ASAH1: variants seen among roughly 807,000 people sequenced by gnomAD.
ASAH1 encodes N-acylsphingosine amidohydrolase 1, also known as acid ceramidase.
Under a neutral mutation model 59.5 loss-of-function variants are expected in ASAH1, and 70 were observed. That is an observed-to-expected ratio of 1.18 (90% confidence interval 0.97 to 1.43). The LOEUF is 1.43. Among genes scored for constraint, ASAH1 ranks in the 40% most tolerant of loss-of-function variants. The pLI is 0.00. For synonymous variants in ASAH1, 213 were observed against 166.5 expected, an observed-to-expected ratio of 1.28 and a Z score of -2.15; for missense variants, 660 against 482.5, an observed-to-expected ratio of 1.37 and a Z score of -3.45.
intron 12 of ASAH1, 124 bp downstream of exon 12, chr8:18,059,217 G>C (rs1799586815): frequency 4.8e-6 from 7 of 1,465,142 alleles, no homozygotes; most frequent in East Asian, 2.3e-5. Flanking sequence ...TCAGTGGAGA[G>C]TGGCTAGAGA....
At chr8:18,075,776 T>C (rs1300440058) in intron 1 of ASAH1, 189 bp from the exon 2 acceptor site, 1 of 607,070 alleles carries the variant, frequency 1.6e-6, no homozygotes, top group East Asian at 2.8e-5. Flanking sequence ...ATTAAGTGGA[T>C]TTTCAGTTTC....
intron 4 of ASAH1, 72 bp downstream of exon 4, chr8:18,069,720 T>C: frequency 8.7e-7 from 1 of 1,144,934 alleles, no homozygotes; most frequent in South Asian, 1.3e-5. Context: ...GGTTGCTGAA[T>C]TATGCCTTTA....
rs561169832 is a variant in ASAH1, at chr8:18,059,953, C to T, written c.786-250G>A. 2.1e-4 allele frequency: 84 copies of T among 403,804 alleles called. 1 individual carries two copies. Among genetic ancestry groups the T allele is most frequent in the African/African-American group, 1.7e-3 (83 of 49,030 alleles). 25.0% of individuals were successfully genotyped at this position (403,804 alleles called of 1,614,324 possible). A position where few individuals can be genotyped will look rare whatever the true frequency, so the allele number is the denominator to read the frequency against. ...CTTTCACCCCACCCCCTGACAGGCC[C>T]TGGTGCGTGATGTTCCCCTCCCTGT... is the stretch of plus-strand genomic sequence containing the variant. On this transcript the variant is annotated intron_variant, in intron 10 of 13. Transcript: ENST00000637790.
Position 18,084,021 on chromosome 8 carries a change from G to T in ASAH1, c.38C>A (p.Ala13Asp). ...CGCGACGGCACAGCTGACGGCGGCA[G>T]CCAGGAGGACTAAGGCGACGCAACT... ...GRSCVALVLL[A>D]AAVSCAVAQH... Residue 13 changes from alanine (A) to aspartate (D), a missense_variant, in exon 1 of 14, where the codon GCT (alanine) becomes GAT (aspartate). Ala to Asp is a moderately radical substitution (Grantham distance 126). Transcript: ENST00000637790. 6.3e-7 allele frequency: 1 copy of T among 1,598,664 alleles called. No individual in the cohort carries two copies. The highest frequency in any genetic ancestry group is 8.5e-7 in the Non-Finnish European group (1 of 1,179,652).
At chr8:18,070,119 T>C (rs1800100020) in intron 3 of ASAH1, among the ~76,000 whole-genome samples, 1 of 152,068 alleles carries the variant, frequency 6.6e-6, no homozygotes, top group Non-Finnish European at 1.5e-5. Flanking sequence ...TAGCTGAGAT[T>C]ACAAGTGTGC....
intron 3 of ASAH1, among the ~76,000 whole-genome samples, chr8:18,070,915 A>G (rs1009819666): frequency 6.6e-6 from 1 of 152,212 alleles, no homozygotes; most frequent in African/African-American, 2.4e-5. Context: ...AATAAATAAA[A>G]TAAGAAATAT....
intron 2 of ASAH1, among the ~76,000 whole-genome samples, chr8:18,073,506 C>G (rs1405051684): frequency 6.6e-6 from 1 of 152,202 alleles, no homozygotes; most frequent in African/African-American, 2.4e-5. Flanking sequence ...ACAACACACA[C>G]ATATACAAAT....
At chr8:18,061,106 G>C in intron 10 of ASAH1, 1 of 338,854 alleles carries the variant, frequency 3.0e-6, no homozygotes. Flanking sequence ...TTGTGTGTGG[G>C]TCATTTTTTT....
In ASAH1 at chr8:18,084,032, T is replaced by C; in HGVS notation, c.27A>G (p.Leu9=). ...AGCTGACGGCGGCAGCCAGGAGGACTAAGGCGACGCAACTCCGGCCCGGCA... is the reference window on the plus strand; with the variant it reads ...AGCTGACGGCGGCAGCCAGGAGGACCAAGGCGACGCAACTCCGGCCCGGCA... The part of the protein sequence containing the change: MPGRSCVA[L]VLLAAAVSCA... The change falls in exon 1 of 14, where the codon TTA becomes TTG. Residue 9 remains leucine (L), a synonymous_variant. Transcript: ENST00000637790. The C allele has an allele frequency of 2.5e-6, 4 of 1,598,684 alleles. No homozygotes were observed. The highest frequency in any genetic ancestry group is 3.4e-6 in the Non-Finnish European group (4 of 1,179,646).
chr8:18,062,180 T>C, intron 8 of ASAH1, 99 bp downstream of exon 8: 1 of 1,520,540 alleles, frequency 6.6e-7, no homozygotes, highest in African/African-American at 1.4e-5. Context: ...TGGGGCTTCA[T>C]ATTCCCTTTA....
At chr8:18,067,599 G>A (rs1211578790) in intron 4 of ASAH1, 1 of 164,062 alleles carries the variant, frequency 6.1e-6, no homozygotes, top group Non-Finnish European at 1.3e-5. Context: ...AGGAACGAGA[G>A]TAATTCCACT....
At position 18,073,128 on chromosome 8, in the gene ASAH1, C is replaced by T. The variant is rs1201385645; in HGVS notation, c.126-1738G>A. 1.7e-5 allele frequency: 16 copies of T among 953,090 alleles called. No homozygotes were observed. In the Admixed American group the frequency reaches 4.3e-4, roughly 25 times the overall value. The allele number at this position is 953,090 out of a possible 1,614,324, so 59.0% of individuals were successfully genotyped here. Reference sequence around the variant, plus strand: ...GAGAGAACTGGTTAATCTAATAAACCAAATTATTTTAATGACTAAAGCTTA... The same window carrying T: ...GAGAGAACTGGTTAATCTAATAAACTAAATTATTTTAATGACTAAAGCTTA... On this transcript the variant is annotated intron_variant, in intron 2 of 13. Transcript: ENST00000637790.
Position 18,084,084 on chromosome 8 carries a change from CG to C in ASAH1, c.-27del. Reference sequence around the variant, plus strand: ...CGCTCTAGCAGCCAACGCCACTCCCCGGACTCCAGCAGAGGCAAAGAAGAGC... The same window carrying C: ...CGCTCTAGCAGCCAACGCCACTCCCCGACTCCAGCAGAGGCAAAGAAGAGC... On this transcript the variant is annotated 5_prime_UTR_variant, in exon 1 of 14. Transcript: ENST00000637790. 2 of 1,597,860 alleles carry C rather than the reference CG, an allele frequency of 1.3e-6. No individual in the cohort carries two copies. The highest frequency in any genetic ancestry group is 1.7e-6 in the Non-Finnish European group (2 of 1,179,508).
intron 2 of ASAH1, among the ~76,000 whole-genome samples, chr8:18,074,407 G>T (rs920452778): frequency 1.3e-5 from 2 of 152,010 alleles, no homozygotes; most frequent in Non-Finnish European, 2.9e-5. Flanking sequence ...GTTTATTACA[G>T]TTTCACGCTA....
chr8:18,059,607 A>C lies in ASAH1; in HGVS notation c.882T>G (p.Ile294Met), dbSNP rs760525887. ...CCAATGATTCCTTTCTGTCTCGTGT[A>C]ATCACACAACCTTCCCCAGACTGGT... is the stretch of plus-strand genomic sequence containing the variant. Reference protein sequence around the residue: ...GGNQSGEGCVITRDRKESLDV... With the variant: ...GGNQSGEGCVMTRDRKESLDV... The change falls in exon 11 of 14, where the codon ATT becomes ATG. Residue 294 changes from isoleucine to methionine, a missense_variant. Transcript: ENST00000637790. 6 of 1,614,116 alleles carry C rather than the reference A, an allele frequency of 3.7e-6. No individual in the cohort carries two copies. The highest frequency in any genetic ancestry group is 5.1e-6 in the Non-Finnish European group (6 of 1,180,056).
At position 18,081,868 on chromosome 8, in the gene ASAH1, G is replaced by C. The variant is rs116685942; in HGVS notation, c.78+2113C>G. On this transcript the variant is annotated intron_variant, in intron 1 of 13. Transcript: ENST00000637790. ...ACTAAACTTCTGTAAGGTTCTAAAG[G>C]TCCTTCAGTGCATGGATCCCAGGAT... Among the ~76,000 whole-genome samples the C allele has an allele frequency of 6.2e-3, 946 of 152,156 alleles. 9 individuals carry two copies. Among genetic ancestry groups the C allele is most frequent in the African/African-American group, 0.021 (882 of 41,506 alleles).
intron 2 of ASAH1, 149 bp downstream of exon 2, chr8:18,075,392 T>C: frequency 1.1e-6 from 1 of 878,398 alleles, no homozygotes; most frequent in Non-Finnish European, 1.9e-6. Flanking sequence ...AAATGCATAA[T>C]AAACAAATCT....
chr8:18,084,439 C>A, upstream of ASAH1: 1 of 1,355,994 alleles, frequency 7.4e-7, no homozygotes, highest in Non-Finnish European at 9.6e-7. Flanking sequence ...CTCTAGCAGG[C>A]GGGTGCAGCC....
intron 8 of ASAH1, chr8:18,062,056 C>A: frequency 3.1e-6 from 2 of 649,310 alleles, no homozygotes; most frequent in Non-Finnish European, 5.2e-6. Flanking sequence ...CCCTTGACAC[C>A]CAGCCACATG....
Sources: allele counts gnomAD v4.1 joint callset (sites outside exome capture counted in the v4.1 genomes callset), GRCh38; gene constraint gnomAD v4.1.1; transcripts MANE v1.5; gene names NCBI Gene and HGNC (gene_info 2026-07-23, HGNC 2026-07-21).